NTM: variants seen among roughly 807,000 people sequenced by gnomAD.
The protein encoded by NTM is neurotrimin, also known as IgLON family member 2.
Under a neutral mutation model 42.1 loss-of-function variants are expected in NTM, and 13 were observed. That is an observed-to-expected ratio of 0.31 (90% CI 0.20 to 0.49). NTM has a LOEUF of 0.49. Ranked by LOEUF, NTM falls within the 20% of genes least tolerant of loss-of-function variation. The pLI is 0.99. For synonymous variants in NTM, 187 were observed against 179.2 expected (o/e 1.04, Z -0.35); for missense variants, 373 against 452.8 (o/e 0.82, Z 1.60).
Position 131,865,577 on chromosome 11 carries a change from T to G in NTM, c.83-45987T>G, listed in dbSNP as rs148396935. Among the ~76,000 whole-genome samples the G allele has an allele frequency of 1.2e-4, 18 of 152,294 alleles. No homozygotes were observed. In the East Asian group the frequency reaches 3.1e-3, roughly 26 times the overall value. On this transcript the variant is annotated intron_variant, in intron 1 of 8. Transcript: ENST00000683400. ...GATTCTTAGTACAGTTGCATGCACG[T>G]GCTTAGCCTGGCCTAGTGGGGCAGG...
At chr11:131,692,396 A>G (rs578094420) in intron 1 of NTM, among the ~76,000 whole-genome samples, 3 of 151,986 alleles carry the variant, frequency 2.0e-5, no homozygotes, top group Non-Finnish European at 4.4e-5. Flanking sequence ...GGGCTAGCCT[A>G]TCTCCCATGC....
At chr11:132,196,967 C>T (rs75199302) in intron 3 of NTM, among the ~76,000 whole-genome samples, 4,122 of 152,178 alleles carry the variant, frequency 0.027, 193 homozygotes, top group African/African-American at 0.094. Context: ...TAAAAAGCAT[C>T]GAATCCAGTT....
rs374186546 is a variant in NTM at position 132,108,895 on chromosome 11, C to T, written c.168-37387C>T. On this transcript the variant is annotated intron_variant, in intron 2 of 8. Coordinates refer to ENST00000683400, the MANE Select transcript of NTM (RefSeq NM_001352005.2). ...ACAGGCCCCAGTGTGTGATGTTCCC[C>T]TCCTTGTGTCCATGTGTTCTCATTG... Among the ~76,000 whole-genome samples, 11 of 152,214 alleles carry T rather than the reference C, an allele frequency of 7.2e-5. No homozygotes were observed. The East Asian group carries it at 1.2e-3, about 16-fold the overall frequency.
chr11:132,233,221 A>AG (rs11461644), intron 4 of NTM, among the ~76,000 whole-genome samples: 75,714 of 151,902 alleles, frequency 0.5, 19,445 homozygotes, highest in African/African-American at 0.62. Flanking sequence ...GTTCAAGACC[A>AG]CCTGGCCAAC....
intron 1 of NTM, among the ~76,000 whole-genome samples, chr11:131,441,609 C>T (rs1949631935): frequency 6.6e-6 from 1 of 152,190 alleles, no homozygotes; most frequent in Non-Finnish European, 1.5e-5. Context: ...TGGAGCATGG[C>T]AGCTCCGATA....
At chr11:131,775,798 C>T (rs1047387720) in intron 1 of NTM, among the ~76,000 whole-genome samples, 32 of 152,160 alleles carry the variant, frequency 2.1e-4, no homozygotes, top group Non-Finnish European at 2.9e-5. Context: ...AACATGATAT[C>T]TATGGCTAAA....
At chr11:132,320,870 T>A (rs1233927278) in intron 7 of NTM, among the ~76,000 whole-genome samples, 1 of 151,710 alleles carries the variant, frequency 6.6e-6, no homozygotes, top group Non-Finnish European at 1.5e-5. Flanking sequence ...CCCTGACCCC[T>A]GACCCCCGAG....
At position 131,458,064 on chromosome 11, in the gene NTM, G is replaced by A. The variant is rs373448610; in HGVS notation, c.82+87176G>A. The stretch of plus-strand genomic sequence containing the variant: ...CTGAGGGTATGCAATGCATGCATTT[G>A]AGACTGGATCACTAGGGGATGAGTG... On this transcript the variant is annotated intron_variant, in intron 1 of 8. Transcript: ENST00000683400. 7.0e-4 allele frequency among the ~76,000 whole-genome samples: 107 copies of A among 152,334 alleles called. 1 individual carries two copies. Among genetic ancestry groups the A allele is most frequent in the Admixed American group, 6.7e-3 (103 of 15,300 alleles).
chr11:131,851,627 C>A lies in NTM; in HGVS notation c.83-59937C>A, dbSNP rs1286811518. 3.3e-5 allele frequency among the ~76,000 whole-genome samples: 5 copies of A among 151,190 alleles called. No homozygotes were observed. The Admixed American group carries it at 3.3e-4, about 10-fold the overall frequency. ...CCTTGTCTGCAAAGCTTCTCCTAGC[C>A]CTTTGCAGAGGGCTTGGCATCTTTC... On this transcript the variant is annotated intron_variant, in intron 1 of 8. Transcript: ENST00000683400.
chr11:131,822,570 A>G (rs1052319886), intron 1 of NTM, among the ~76,000 whole-genome samples: 14 of 152,214 alleles, frequency 9.2e-5, no homozygotes, highest in Admixed American at 2.0e-4. Context: ...CCAGCCCCTC[A>G]TAACAGCTGC....
At chr11:132,180,871 T>A (rs115753780) in intron 3 of NTM, among the ~76,000 whole-genome samples, 1 of 151,954 alleles carries the variant, frequency 6.6e-6, no homozygotes, top group African/African-American at 2.4e-5. Flanking sequence ...CAGGCCAACA[T>A]AGGCCCCTTC....
chr11:132,198,361 T>C lies in NTM; in HGVS notation c.401-13661T>C, dbSNP rs529709182. Among the ~76,000 whole-genome samples the C allele has an allele frequency of 8.5e-5, 13 of 152,150 alleles. No homozygotes were observed. The East Asian group carries it at 2.5e-3, about 29-fold the overall frequency. ...ACAGGATCATGCCAGCATAAACAGC[T>C]AAGTTTTAAAAATTTTTTTGGAAAG... On this transcript the variant is annotated intron_variant, in intron 3 of 8. Transcript: ENST00000683400.
At chr11:131,431,630 A>G (rs1456321329) in intron 1 of NTM, among the ~76,000 whole-genome samples, 1 of 152,160 alleles carries the variant, frequency 6.6e-6, no homozygotes, top group African/African-American at 2.4e-5. Context: ...TGGCTGGCCC[A>G]ACATCACTCA....
At chr11:131,449,768 G>A (rs1950343609) in intron 1 of NTM, among the ~76,000 whole-genome samples, 1 of 152,178 alleles carries the variant, frequency 6.6e-6, no homozygotes, top group Non-Finnish European at 1.5e-5. Context: ...GGACTGGAGA[G>A]GCCTTGGAAG....
chr11:131,644,346 C>T (rs1232005000), intron 1 of NTM, among the ~76,000 whole-genome samples: 1 of 152,310 alleles, frequency 6.6e-6, no homozygotes, highest in Non-Finnish European at 1.5e-5. Context: ...GCTCCAGTGG[C>T]TGTGGTGGGA....
chr11:131,879,660 C>T lies in NTM; in HGVS notation c.83-31904C>T, dbSNP rs138762727. Among the ~76,000 whole-genome samples the T allele has an allele frequency of 4.9e-3, 751 of 152,258 alleles. 6 individuals carry two copies. The highest frequency in any genetic ancestry group is 0.017 in the African/African-American group (704 of 41,544). On this transcript the variant is annotated intron_variant, in intron 1 of 8. Transcript: ENST00000683400. ...ACATATTAATTTTTTGAAAAAAATA[C>T]TTATTTGAAAAATATTGATTTTTTT...
chr11:131,977,657 G>A lies in NTM; in HGVS notation c.167+66009G>A, dbSNP rs970815002. Among the ~76,000 whole-genome samples, 8 of 152,270 alleles carry A rather than the reference G, an allele frequency of 5.3e-5. No individual in the cohort carries two copies. The South Asian group carries it at 6.2e-4, about 12-fold the overall frequency. ...AGGCTTACGTAAATATAGCTGGTAAGGGCTAGGATTGTAGATTAAAGTCAG... is the reference window on the plus strand; with the variant it reads ...AGGCTTACGTAAATATAGCTGGTAAAGGCTAGGATTGTAGATTAAAGTCAG... On this transcript the variant is annotated intron_variant, in intron 2 of 8. Transcript: ENST00000683400.
At chr11:131,497,560 C>A (rs1029392080) in intron 1 of NTM, among the ~76,000 whole-genome samples, 1 of 152,148 alleles carries the variant, frequency 6.6e-6, no homozygotes, top group African/African-American at 2.4e-5. Context: ...GGAGTACAAC[C>A]ACATTAAAAA....
intron 1 of NTM, among the ~76,000 whole-genome samples, chr11:131,649,508 C>T (rs1442983029): frequency 2.0e-5 from 3 of 152,276 alleles, no homozygotes; most frequent in Non-Finnish European, 2.9e-5. Flanking sequence ...ACCAGAGAAA[C>T]ATGGCTGAGA....
Sources: allele counts gnomAD v4.1 joint callset (sites outside exome capture counted in the v4.1 genomes callset), GRCh38; gene constraint gnomAD v4.1.1; transcripts MANE v1.5; gene names NCBI Gene and HGNC (gene_info 2026-07-23, HGNC 2026-07-21).